KHDRBS2: variants seen among roughly 807,000 people sequenced by gnomAD.
KHDRBS2 encodes the protein KH RNA binding domain containing, signal transduction associated 2, also known as KH domain-containing, RNA-binding, signal transduction-associated protein 2.
A neutral mutation model predicts 44.3 loss-of-function variants in KHDRBS2; 26 were observed. The ratio of observed to expected loss-of-function variants is 0.59; its 90% CI spans 0.43 to 0.81. The LOEUF (loss-of-function observed/expected upper bound fraction) is 0.81. Among genes scored for constraint, KHDRBS2 ranks in the 40% least tolerant of loss-of-function variants. The pLI, the probability that KHDRBS2 is intolerant of heterozygous loss-of-function variation, is 0.00. For missense variants in KHDRBS2, 476 were observed against 433.1 expected, an observed-to-expected ratio of 1.10 and a Z score of -0.88; for synonymous variants, 194 against 151.1, an observed-to-expected ratio of 1.28 and a Z score of -2.08.
At chr6:62,258,999 G>C (rs887570820) in intron 1 of KHDRBS2, among the ~76,000 whole-genome samples, 56 of 152,076 alleles carry the variant, frequency 3.7e-4, no homozygotes, top group African/African-American at 1.3e-3. Flanking sequence ...CTTCTCCCAA[G>C]TTTTCACTTA....
chr6:61,730,743 A>G (rs538372272), intron 7 of KHDRBS2, among the ~76,000 whole-genome samples: 35 of 152,220 alleles, frequency 2.3e-4, no homozygotes, highest in East Asian at 7.7e-4. Context: ...AGAAGTGTGT[A>G]GAAAATGTCC....
At chr6:61,724,259 C>A (rs1435833718) in intron 7 of KHDRBS2, among the ~76,000 whole-genome samples, 5 of 151,950 alleles carry the variant, frequency 3.3e-5, no homozygotes, top group African/African-American at 9.7e-5. Flanking sequence ...TTCAGACAAG[C>A]AAATGTGGAG....
the KHDRBS2 span, among the ~76,000 whole-genome samples, chr6:61,570,123 G>C: frequency 1.3e-5 from 2 of 151,864 alleles, no homozygotes; most frequent in African/African-American, 4.8e-5. Flanking sequence ...GATTAATAAG[G>C]TACTCAAGGA....
the KHDRBS2 span, among the ~76,000 whole-genome samples, chr6:61,646,177 G>C: frequency 6.6e-6 from 1 of 152,132 alleles, no homozygotes; most frequent in South Asian, 2.1e-4. Context: ...CTGTGGCTCA[G>C]CTACAAAACA....
intron 7 of KHDRBS2, 115 bp from the exon 8 acceptor site, chr6:61,697,368 G>C (rs1221076713): frequency 1.8e-5 from 13 of 705,506 alleles, no homozygotes; most frequent in South Asian, 1.8e-4. Context: ...GGAACTTCAA[G>C]GCATAAAACA....
chr6:62,225,050 C>T (rs1263192198), intron 1 of KHDRBS2, among the ~76,000 whole-genome samples: 3 of 152,124 alleles, frequency 2.0e-5, no homozygotes, highest in South Asian at 2.1e-4. Flanking sequence ...TGTCTGAATA[C>T]ATTTTTTATT....
Position 61,739,660 on chromosome 6 carries a change from A to T in KHDRBS2, c.811-6896T>A, listed in dbSNP as rs1775872690. Among the ~76,000 whole-genome samples, 6 of 152,010 alleles carry T rather than the reference A, an allele frequency of 3.9e-5. No homozygotes were observed. The South Asian group carries it at 1.2e-3, about 31-fold the overall frequency. On this transcript the variant is annotated intron_variant, in intron 6 of 8. Coordinates refer to ENST00000281156, the MANE Select transcript of KHDRBS2 (RefSeq NM_152688.4). The stretch of plus-strand genomic sequence containing the variant: ...TTCTCCATAGCTTTCTTACATTTAG[A>T]TAAGGAATAAAACAAAACGTCAAGT...
At chr6:61,777,118 T>A (rs1232479941) in intron 6 of KHDRBS2, among the ~76,000 whole-genome samples, 3 of 146,462 alleles carry the variant, frequency 2.0e-5, no homozygotes, top group African/African-American at 7.6e-5. Context: ...AAGGGGAACA[T>A]CACACACCAG....
At chr6:62,115,237 G>T (rs1195844305) in intron 2 of KHDRBS2, among the ~76,000 whole-genome samples, 1 of 152,068 alleles carries the variant, frequency 6.6e-6, no homozygotes, top group Admixed American at 6.6e-5. Flanking sequence ...AAGTTTTATA[G>T]TAACAGTATT....
Position 62,189,941 on chromosome 6 carries a change from G to A in KHDRBS2, c.92-12629C>T, listed in dbSNP as rs76643619. Among the ~76,000 whole-genome samples the A allele has an allele frequency of 7.9e-4, 120 of 152,250 alleles. No homozygotes were observed. The East Asian group carries it at 0.021, about 27-fold the overall frequency. ...TTGGATGAGGAATTCTGGAGCCTAA[G>A]GAAAAGGTTGGGGGTTGACATGTAA... On this transcript the variant is annotated intron_variant, in intron 1 of 8. Coordinates refer to ENST00000281156, the MANE Select transcript of KHDRBS2 (RefSeq NM_152688.4).
chr6:62,284,450 T>A (rs1340112556), intron 1 of KHDRBS2, among the ~76,000 whole-genome samples: 25 of 152,144 alleles, frequency 1.6e-4, no homozygotes, highest in South Asian at 2.1e-4. Context: ...ATCTTAAACA[T>A]CTATTAACAC....
the KHDRBS2 span, among the ~76,000 whole-genome samples, chr6:61,556,831 T>C: frequency 6.7e-6 from 1 of 148,714 alleles, no homozygotes; most frequent in Non-Finnish European, 1.5e-5. Context: ...AAATTAATAA[T>C]AGTTACTGAT....
intron 7 of KHDRBS2, among the ~76,000 whole-genome samples, chr6:61,720,806 G>T (rs1246658307): frequency 4.0e-5 from 6 of 151,020 alleles, no homozygotes; most frequent in Admixed American, 6.6e-5. Flanking sequence ...GTCAATTTTG[G>T]CTTTTGTTGC....
intron 3 of KHDRBS2, among the ~76,000 whole-genome samples, chr6:62,031,393 T>C (rs1415085563): frequency 1.3e-5 from 2 of 152,070 alleles, no homozygotes; most frequent in Non-Finnish European, 2.9e-5. Flanking sequence ...AGGTAGAATT[T>C]GTCCTGTACC....
chr6:61,951,727 G>A (rs1382078827), intron 4 of KHDRBS2, among the ~76,000 whole-genome samples: 1 of 152,012 alleles, frequency 6.6e-6, no homozygotes, highest in Non-Finnish European at 1.5e-5. Flanking sequence ...TTGGGTTAGT[G>A]GCCATAAAGT....
intron 6 of KHDRBS2, among the ~76,000 whole-genome samples, chr6:61,742,448 T>C (rs1210161464): frequency 6.6e-6 from 1 of 152,076 alleles, no homozygotes; most frequent in Non-Finnish European, 1.5e-5. Context: ...AATGCTTGTG[T>C]ATTCTCTTGA....
chr6:61,924,517 T>C (rs1317438240), intron 4 of KHDRBS2, among the ~76,000 whole-genome samples: 1 of 152,040 alleles, frequency 6.6e-6, no homozygotes, highest in Non-Finnish European at 1.5e-5. Flanking sequence ...TGAATATTAA[T>C]CTTTAAACTG....
chr6:62,069,755 T>C (rs1420786565), intron 2 of KHDRBS2, among the ~76,000 whole-genome samples: 1 of 151,828 alleles, frequency 6.6e-6, no homozygotes, highest in Non-Finnish European at 1.5e-5. Context: ...ATAGGATAGT[T>C]TGTACTGCCA....
intron 1 of KHDRBS2, among the ~76,000 whole-genome samples, chr6:62,284,498 G>A (rs1415956388): frequency 2.0e-5 from 3 of 151,644 alleles, no homozygotes; most frequent in Non-Finnish European, 4.4e-5. Flanking sequence ...TGTCTTTTTT[G>A]GGAAAGTAAA....
Sources: allele counts gnomAD v4.1 joint callset (sites outside exome capture counted in the v4.1 genomes callset), GRCh38; gene constraint gnomAD v4.1.1; transcripts MANE v1.5; gene names NCBI Gene and HGNC (gene_info 2026-07-23, HGNC 2026-07-21).